MYO5B: variants seen among roughly 807,000 people sequenced by gnomAD.
The protein encoded by MYO5B is myosin VB.
In MYO5B, 143 loss-of-function variants were observed where a neutral mutation model predicts 229.3. The ratio of observed to expected loss-of-function variants is 0.62; its 90% CI spans 0.54 to 0.72. The LOEUF (loss-of-function observed/expected upper bound fraction) is 0.72, where lower values mean the gene tolerates loss of function less well. Among genes scored for constraint, MYO5B ranks in the 30% least tolerant of loss-of-function variants. The pLI is 0.00. For synonymous variants in MYO5B, 918 were observed against 885.2 expected (o/e 1.04, Z -0.66); for missense variants, 2,321 against 2,331.0 (o/e 1.00, Z 0.09).
intron 1 of MYO5B, among the ~76,000 whole-genome samples, chr18:50,100,976 G>T (rs550609569): frequency 6.6e-6 from 1 of 152,274 alleles, no homozygotes; most frequent in South Asian, 2.1e-4. Flanking sequence ...TCCTTAAGAA[G>T]ACCACAGGTC....
intron 21 of MYO5B, among the ~76,000 whole-genome samples, 184 bp downstream of exon 21, chr18:49,902,410 G>A (rs2024851652): frequency 1.3e-5 from 2 of 152,204 alleles, no homozygotes; most frequent in South Asian, 2.1e-4. Flanking sequence ...ACAGATCCCA[G>A]GGCTGAGGGT....
At chr18:50,017,587 A>G (rs1392873221) in intron 4 of MYO5B, among the ~76,000 whole-genome samples, 1 of 152,206 alleles carries the variant, frequency 6.6e-6, no homozygotes. Context: ...ACCATTACGA[A>G]TAACGCTACT....
At chr18:49,912,287 T>C in intron 17 of MYO5B, 114 bp from the exon 18 acceptor site, 1 of 825,510 alleles carries the variant, frequency 1.2e-6, no homozygotes, top group Non-Finnish European at 2.1e-6. Flanking sequence ...ACAAAGTCAT[T>C]CTCAGAGCAG....
At chr18:49,830,494 A>G (rs1177034530) in intron 39 of MYO5B, among the ~76,000 whole-genome samples, 1 of 152,200 alleles carries the variant, frequency 6.6e-6, no homozygotes, top group Non-Finnish European at 1.5e-5. Context: ...GAAATCTAAA[A>G]AAATCCTAAA....
intron 1 of MYO5B, among the ~76,000 whole-genome samples, chr18:50,181,461 A>AGT (rs2033072433): frequency 1.3e-5 from 2 of 152,264 alleles, no homozygotes; most frequent in Non-Finnish European, 2.9e-5. Flanking sequence ...CAAGATAGTC[A>AGT]GTGAGTCCTC....
chr18:50,083,737 T>C (rs1173635476), intron 1 of MYO5B, among the ~76,000 whole-genome samples: 1 of 152,116 alleles, frequency 6.6e-6, no homozygotes, highest in African/African-American at 2.4e-5. Flanking sequence ...AGTTACAAGG[T>C]GGATCACCAA....
intron 1 of MYO5B, among the ~76,000 whole-genome samples, chr18:50,175,897 C>T (rs1234416821): frequency 6.6e-6 from 1 of 152,212 alleles, no homozygotes; most frequent in Non-Finnish European, 1.5e-5. Context: ...GTCCACCTTC[C>T]CACAACACAT....
chr18:49,945,223 T>A (rs1287494243), intron 14 of MYO5B, among the ~76,000 whole-genome samples: 1 of 152,020 alleles, frequency 6.6e-6, no homozygotes, highest in Non-Finnish European at 1.5e-5. Flanking sequence ...GCTCCAACCA[T>A]CCCTCCCAGA....
chr18:50,189,686 T>C (rs142756243), intron 1 of MYO5B, among the ~76,000 whole-genome samples: 3 of 152,150 alleles, frequency 2.0e-5, no homozygotes, highest in African/African-American at 7.2e-5. Flanking sequence ...TGTCACCACT[T>C]TTTGGAAAAA....
At chr18:50,001,115 T>C in intron 5 of MYO5B, 140 bp downstream of exon 5, 4 of 1,078,078 alleles carry the variant, frequency 3.7e-6, no homozygotes, top group Non-Finnish European at 4.3e-6. Context: ...TAGAGGCAGC[T>C]TGGTAACTTT....
At chr18:49,994,508 A>G (rs1333201588) in intron 5 of MYO5B, among the ~76,000 whole-genome samples, 1 of 152,228 alleles carries the variant, frequency 6.6e-6, no homozygotes, top group Non-Finnish European at 1.5e-5. Flanking sequence ...ATAACTCTGG[A>G]AGGAAGTGTA....
At chr18:50,149,712 G>A (rs2032564134) in intron 1 of MYO5B, among the ~76,000 whole-genome samples, 1 of 152,132 alleles carries the variant, frequency 6.6e-6, no homozygotes, top group East Asian at 1.9e-4. Context: ...TTACATGTTA[G>A]ACCTAAAACC....
At chr18:49,957,726 T>C (rs2025511915) in intron 12 of MYO5B, among the ~76,000 whole-genome samples, 1 of 150,798 alleles carries the variant, frequency 6.6e-6, no homozygotes, top group South Asian at 2.1e-4. Context: ...TTATTCTATG[T>C]CTGCTTCTTT....
chr18:50,022,955 C>T (rs2026292980), intron 4 of MYO5B, among the ~76,000 whole-genome samples: 1 of 152,108 alleles, frequency 6.6e-6, no homozygotes, highest in South Asian at 2.1e-4. Context: ...TTTAAGATAA[C>T]AGCAGACCAG....
At chr18:50,080,163 C>CAA (rs2031184780) in intron 1 of MYO5B, among the ~76,000 whole-genome samples, 1 of 152,126 alleles carries the variant, frequency 6.6e-6, no homozygotes, top group African/African-American at 2.4e-5. Context: ...CAACCAGTAC[C>CAA]GCTTTAAAAA....
At chr18:49,953,937 C>T (rs1598908361) in intron 13 of MYO5B, among the ~76,000 whole-genome samples, 1 of 135,866 alleles carries the variant, frequency 7.4e-6, no homozygotes, top group Non-Finnish European at 1.6e-5. Flanking sequence ...TGTGTGTAGA[C>T]TATATATATA....
intron 5 of MYO5B, among the ~76,000 whole-genome samples, chr18:49,997,266 TTAAAAAAAAAAAA>T (rs1598940245): frequency 3.0e-5 from 2 of 66,782 alleles, no homozygotes; most frequent in East Asian, 7.3e-4. Flanking sequence ...GGTCCTGTCT[TTAAAAAAAAAAAA>T]AAAAAAAAAA....
chr18:50,069,112 A>T (rs940647044), intron 1 of MYO5B, among the ~76,000 whole-genome samples: 3 of 152,092 alleles, frequency 2.0e-5, no homozygotes, highest in Non-Finnish European at 2.9e-5. Flanking sequence ...TCATCTATGG[A>T]GTCCAAAAAC....
intron 30 of MYO5B, among the ~76,000 whole-genome samples, chr18:49,855,389 T>G (rs1285082940): frequency 6.6e-6 from 1 of 152,222 alleles, no homozygotes; most frequent in Non-Finnish European, 1.5e-5. Flanking sequence ...CCAGGACTCT[T>G]GATTCATAGG....
Sources: allele counts gnomAD v4.1 joint callset (sites outside exome capture counted in the v4.1 genomes callset), GRCh38; gene constraint gnomAD v4.1.1; transcripts MANE v1.5; gene names NCBI Gene and HGNC (gene_info 2026-07-23, HGNC 2026-07-21).